Variants in TECPR2 observed in about 807,000 individuals in gnomAD.
The protein encoded by TECPR2 is tectonin beta-propeller repeat-containing protein 2.
A neutral mutation model predicts 138.1 loss-of-function variants in TECPR2; 65 were observed. That is an observed-to-expected ratio of 0.47 (90% CI 0.39 to 0.58). The LOEUF (loss-of-function observed/expected upper bound fraction) is 0.58, where lower values mean the gene tolerates loss of function less well. TECPR2 is among the 20% of genes least tolerant of loss of function. TECPR2 has a pLI of 0.00. For synonymous variants in TECPR2, 746 were observed against 749.8 expected, an observed-to-expected ratio of 0.99 and a Z score of 0.08; for missense variants, 1,553 against 1,824.5, an observed-to-expected ratio of 0.85 and a Z score of 2.71.
intron 4 of TECPR2, among the ~76,000 whole-genome samples, chr14:102,414,142 AC>A (rs1036998871): frequency 9.2e-5 from 14 of 152,112 alleles, no homozygotes; most frequent in Admixed American, 9.2e-4. Context: ...GCTGCTTTGA[AC>A]CCTTTGTGAG....
intron 16 of TECPR2, among the ~76,000 whole-genome samples, chr14:102,456,903 A>T (rs1401588906): frequency 6.6e-6 from 1 of 151,600 alleles, no homozygotes; most frequent in Non-Finnish European, 1.5e-5. Flanking sequence ...TGTCACTCTT[A>T]AGTTGAGACT....
chr14:102,487,452 G>A (rs1396764851), intron 17 of TECPR2, among the ~76,000 whole-genome samples: 2 of 152,226 alleles, frequency 1.3e-5, no homozygotes, highest in South Asian at 2.1e-4. Context: ...GTGCGCACAC[G>A]TGTGTTGATA....
At chr14:102,369,347 A>G (rs1396288989) in intron 1 of TECPR2, among the ~76,000 whole-genome samples, 1 of 152,190 alleles carries the variant, frequency 6.6e-6, no homozygotes, top group Non-Finnish European at 1.5e-5. Context: ...ATCATTTGAC[A>G]GAGCTACTAT....
At chr14:102,364,623 T>G (rs10139128) in intron 1 of TECPR2, among the ~76,000 whole-genome samples, 1 of 152,366 alleles carries the variant, frequency 6.6e-6, no homozygotes, top group African/African-American at 2.4e-5. Flanking sequence ...AAGTAGCTTT[T>G]GTTAGGCATC....
chr14:102,375,368 G>A (rs1887617143), intron 1 of TECPR2, among the ~76,000 whole-genome samples: 1 of 152,052 alleles, frequency 6.6e-6, no homozygotes, highest in Non-Finnish European at 1.5e-5. Context: ...GAAAGGGGCT[G>A]TGTAGAGAAA....
At chr14:102,374,719 G>A (rs1402677664) in intron 1 of TECPR2, among the ~76,000 whole-genome samples, 1 of 152,100 alleles carries the variant, frequency 6.6e-6, no homozygotes, top group African/African-American at 2.4e-5. Flanking sequence ...TTGTTGAGGC[G>A]GGAGTCTTGC....
At chr14:102,365,336 A>G (rs547307383) in intron 1 of TECPR2, among the ~76,000 whole-genome samples, 2 of 152,320 alleles carry the variant, frequency 1.3e-5, no homozygotes, top group Admixed American at 6.5e-5. Flanking sequence ...AGACCAACCA[A>G]GTATCTGAGG....
At chr14:102,429,073 C>G (rs569633079) in intron 7 of TECPR2, among the ~76,000 whole-genome samples, 31 of 152,244 alleles carry the variant, frequency 2.0e-4, no homozygotes, top group Middle Eastern at 3.4e-3. Flanking sequence ...TCTCAAACTC[C>G]CGACCTCAGG....
chr14:102,370,433 A>T (rs1389686741), intron 1 of TECPR2, among the ~76,000 whole-genome samples: 1 of 152,204 alleles, frequency 6.6e-6, no homozygotes, highest in African/African-American at 2.4e-5. Context: ...AGAGCTCAGT[A>T]CTTCCGCTTG....
At chr14:102,391,352 GC>G (rs1190349053) in intron 2 of TECPR2, among the ~76,000 whole-genome samples, 3 of 152,192 alleles carry the variant, frequency 2.0e-5, no homozygotes, top group Non-Finnish European at 4.4e-5. Context: ...GAGCCACTGT[GC>G]CAGGCCTAAA....
intron 2 of TECPR2, among the ~76,000 whole-genome samples, chr14:102,388,733 C>T (rs933879594): frequency 1.1e-4 from 16 of 151,812 alleles, no homozygotes; most frequent in Admixed American, 2.0e-4. Flanking sequence ...GAGGCTGAGG[C>T]GGGCGGATCA....
At chr14:102,491,923 A>G (rs1294183907) in intron 17 of TECPR2, among the ~76,000 whole-genome samples, 3 of 152,200 alleles carry the variant, frequency 2.0e-5, no homozygotes, top group Non-Finnish European at 2.9e-5. Flanking sequence ...CATTTGTCGA[A>G]CAAATGATCA....
chr14:102,401,730 G>A lies in TECPR2; in HGVS notation c.220-5608G>A, dbSNP rs144935577. Among the ~76,000 whole-genome samples the A allele has an allele frequency of 6.0e-3, 897 of 149,088 alleles. 11 individuals carry two copies. The highest frequency in any genetic ancestry group is 0.016 in the African/African-American group (656 of 40,614). On this transcript the variant is annotated intron_variant, in intron 2 of 19. Transcript: ENST00000359520. ...TGAGGCAGGAGAATGGCGTGAACCC[G>A]GGAGGCAGAGCTTGCAGTGAGCCGA...
rs894075045 is a variant in TECPR2 at position 102,443,221 on chromosome 14, C to T, written c.2753-426C>T. On this transcript the variant is annotated intron_variant, in intron 11 of 19. Coordinates refer to ENST00000359520, the MANE Select transcript of TECPR2 (RefSeq NM_014844.5). This position sits in a 1 kb window ranked among gnomAD's most constrained non-coding sequence, Gnocchi z 4.9. ...TCCTGCTCTTGGCTTTTGTGTTCTT[C>T]TCTTAGAACTTCTTAAGCTACATTG... Among the ~76,000 whole-genome samples, 1 of 152,228 alleles carries T rather than the reference C, an allele frequency of 6.6e-6. No homozygotes were observed. The highest frequency in any genetic ancestry group is 2.4e-5 in the African/African-American group (1 of 41,446).
chr14:102,480,224 T>TTA (rs1555454553), intron 17 of TECPR2, among the ~76,000 whole-genome samples: 16,355 of 148,284 alleles, frequency 0.11, 1,741 homozygotes, highest in East Asian at 0.52. Flanking sequence ...TTTTTTTTTT[T>TTA]TTTTTTATTG....
Position 102,499,439 on chromosome 14 carries a change from C to T in TECPR2, c.*1182C>T, listed in dbSNP as rs1270133945. 1.8e-6 allele frequency: 1 copy of T among 567,844 alleles called. No individual in the cohort carries two copies. The allele number at this position is 567,844 out of a possible 1,614,324, so 35.2% of individuals were successfully genotyped here. A position where few individuals can be genotyped will look rare whatever the true frequency, so the allele number is the denominator to read the frequency against. On this transcript the variant is annotated 3_prime_UTR_variant, in exon 20 of 20. Coordinates refer to ENST00000359520, the MANE Select transcript of TECPR2 (RefSeq NM_014844.5). ...GCCCTTTGTTCCTTCCCGGGTTTGT[C>T]CTGAGCCTGCACTGTCCTCGCCTGC...
chr14:102,400,043 CTTTTCTTTTTTTTTT>C (rs1426755704), intron 2 of TECPR2, among the ~76,000 whole-genome samples: 1 of 142,536 alleles, frequency 7.0e-6, no homozygotes, highest in Non-Finnish European at 1.5e-5. Context: ...ATTTTCTTTT[CTTTTCTTTTTTTTTT>C]TTTTTTAGAT....
At chr14:102,483,350 GC>G (rs1303695035) in intron 17 of TECPR2, among the ~76,000 whole-genome samples, 1 of 151,964 alleles carries the variant, frequency 6.6e-6, no homozygotes, top group Non-Finnish European at 1.5e-5. Context: ...GTCCTCTTCT[GC>G]CCCGCCTCTC....
At chr14:102,469,519 A>G (rs1890616652) in intron 17 of TECPR2, among the ~76,000 whole-genome samples, 1 of 152,170 alleles carries the variant, frequency 6.6e-6, no homozygotes, top group South Asian at 2.1e-4. Flanking sequence ...GCCAATAGAG[A>G]TAATTTTACT....
Sources: allele counts gnomAD v4.1 joint callset (sites outside exome capture counted in the v4.1 genomes callset), GRCh38; gene constraint gnomAD v4.1.1; non-coding constraint Gnocchi (gnomAD v3.1); transcripts MANE v1.5; gene names NCBI Gene and HGNC (gene_info 2026-07-23, HGNC 2026-07-21).